Variants in COPS9 observed in about 807,000 individuals in gnomAD.
COPS9 encodes COP9 signalosome subunit 9.
COPS9 carries 8 observed loss-of-function variants against 7.2 expected under a neutral mutation model. The observed-to-expected ratio is 1.11, with a 90% CI of 0.65 to 2.00. The LOEUF is 2.00. Ranked by LOEUF, COPS9 falls within the 30% of genes most tolerant of loss-of-function variation. COPS9 has a pLI of 0.00. For missense variants in COPS9, 74 were observed against 77.7 expected (o/e 0.95, Z 0.18); for synonymous variants, 39 against 28.7 (o/e 1.36, Z -1.14).
At chr2:240,129,026 G>T (rs888283812), downstream of COPS9, among the ~76,000 whole-genome samples, 1 of 152,246 alleles carries the variant, frequency 6.6e-6, no homozygotes, top group African/African-American at 2.4e-5. Flanking sequence ...ACAGGCCTTG[G>T]TCTAGAAGGG....
At chr2:240,128,499 C>T (rs529790779), downstream of COPS9, among the ~76,000 whole-genome samples, 5 of 152,328 alleles carry the variant, frequency 3.3e-5, no homozygotes, top group East Asian at 7.7e-4. Flanking sequence ...CGCAGGCAGG[C>T]ATTCCCCGCA....
downstream of COPS9, among the ~76,000 whole-genome samples, chr2:240,130,624 T>C (rs934758911): frequency 1.3e-5 from 2 of 152,226 alleles, no homozygotes; most frequent in South Asian, 4.1e-4. Flanking sequence ...CCAAGTGCTG[T>C]CAGCAGGCCC....
chr2:240,126,908 A>T (rs12614632), downstream of COPS9: 3 of 1,613,782 alleles, frequency 1.9e-6, no homozygotes, highest in East Asian at 2.2e-5. Flanking sequence ...CTCTGTCCAA[A>T]GCTGCCACTT....
downstream of COPS9, chr2:240,130,750 A>G (rs533654863): frequency 4.0e-5 from 49 of 1,229,232 alleles, no homozygotes; most frequent in South Asian, 1.0e-3. Context: ...ACGCACATGC[A>G]TGCACACACA....
rs1462288566 is a variant in COPS9, at chr2:240,132,893, G to A, written c.136+1040C>T. Among the ~76,000 whole-genome samples the A allele has an allele frequency of 3.9e-5, 6 of 152,214 alleles. No individual in the cohort carries two copies. Among genetic ancestry groups the A allele is most frequent in the Admixed American group, 1.3e-4 (2 of 15,286 alleles). The stretch of plus-strand genomic sequence containing the variant: ...TCTGGCATAAAGAATTGAAATAAAT[G>A]CTATTCAGTTCTCCAGGCTCATCTC... On this transcript the variant is annotated intron_variant, in intron 2 of 2. Coordinates refer to ENST00000607357, the MANE Select transcript of COPS9 (RefSeq NM_001163424.2). The surrounding 1 kb of genome is among the most constrained non-coding windows in gnomAD (Gnocchi z 4.1).
intron 1 of COPS9, among the ~76,000 whole-genome samples, chr2:240,134,441 T>A (rs968434997): frequency 6.6e-6 from 1 of 152,192 alleles, no homozygotes; most frequent in Non-Finnish European, 1.5e-5. Context: ...GCTCTGCCTC[T>A]GAGGTTCTGG....
chr2:240,134,424 C>A (rs12620440), intron 1 of COPS9: 1 of 174,814 alleles, frequency 5.7e-6, no homozygotes, highest in East Asian at 1.7e-4. Flanking sequence ...CCCGAGGAAA[C>A]TGACCTGCTC....
downstream of COPS9, chr2:240,129,990 A>G (rs1281926557): frequency 6.2e-7 from 1 of 1,613,850 alleles, no homozygotes; most frequent in African/African-American, 1.3e-5. Flanking sequence ...TGCGGGAACC[A>G]TGGAGGACTG....
At chr2:240,130,651 C>T (rs770482274), downstream of COPS9, among the ~76,000 whole-genome samples, 2 of 152,240 alleles carry the variant, frequency 1.3e-5, no homozygotes, top group African/African-American at 4.8e-5. Context: ...GCACGGGCCG[C>T]GCTGCCTCCT....
At chr2:240,131,120 C>T (rs369805109) in intron 2 of COPS9, 32 bp from the exon 3 acceptor site, 6 of 1,608,108 alleles carry the variant, frequency 3.7e-6, no homozygotes, top group Non-Finnish European at 5.1e-6. Context: ...CGTAGTTACA[C>T]CTACAAGGGT....
upstream of COPS9, chr2:240,136,318 C>A: frequency 2.0e-6 from 3 of 1,535,596 alleles, no homozygotes; most frequent in Non-Finnish European, 2.6e-6. Flanking sequence ...TCACTTCCGG[C>A]CTCAGAGCCG....
At chr2:240,128,716 G>A (rs2071891343), downstream of COPS9, among the ~76,000 whole-genome samples, 2 of 152,172 alleles carry the variant, frequency 1.3e-5, no homozygotes, top group African/African-American at 4.8e-5. Flanking sequence ...GAGTGACCGT[G>A]GCTGGGCCCG....
At chr2:240,133,540 C>G (rs1021357635) in intron 2 of COPS9, among the ~76,000 whole-genome samples, 1 of 152,156 alleles carries the variant, frequency 6.6e-6, no homozygotes, top group Non-Finnish European at 1.5e-5. Context: ...CACAGGTGGG[C>G]TGGGAGAGGA....
downstream of COPS9, chr2:240,130,773 C>T (rs769068318): frequency 1.4e-5 from 19 of 1,347,046 alleles, no homozygotes; most frequent in Non-Finnish European, 1.7e-5. Context: ...CACACAGAGA[C>T]GTTTAGGGAC....
chr2:240,128,711 A>C (rs947177359), downstream of COPS9, among the ~76,000 whole-genome samples: 1 of 152,102 alleles, frequency 6.6e-6, no homozygotes, highest in African/African-American at 2.4e-5. Flanking sequence ...CACGGGAGTG[A>C]CCGTGGCTGG....
chr2:240,129,868 G>C (rs200697407), downstream of COPS9: 12 of 1,544,906 alleles, frequency 7.8e-6, no homozygotes, highest in African/African-American at 2.7e-5. Context: ...CAGCCTCAAC[G>C]TGCGGCCCAG....
downstream of COPS9, among the ~76,000 whole-genome samples, chr2:240,129,059 T>A (rs1229152462): frequency 1.3e-5 from 2 of 152,246 alleles, no homozygotes; most frequent in African/African-American, 2.4e-5. Flanking sequence ...GCACTCTGCC[T>A]GAGTTCCTCT....
intron 1 of COPS9, 30 bp downstream of exon 1, chr2:240,136,192 G>A: frequency 1.4e-6 from 2 of 1,430,952 alleles, no homozygotes; most frequent in Non-Finnish European, 9.2e-7. Context: ...CGCTCCCCAC[G>A]CTCGGAGACT....
chr2:240,136,338 C>T (rs1246466924), upstream of COPS9: 12 of 1,516,138 alleles, frequency 7.9e-6, 1 homozygote, highest in South Asian at 1.5e-4. Flanking sequence ...GCTTCCGGCG[C>T]GCGCCACATG....
Sources: allele counts gnomAD v4.1 joint callset (sites outside exome capture counted in the v4.1 genomes callset), GRCh38; gene constraint gnomAD v4.1.1; non-coding constraint Gnocchi (gnomAD v3.1); transcripts MANE v1.5; gene names NCBI Gene and HGNC (gene_info 2026-07-23, HGNC 2026-07-21).